Variants in CAST observed in about 807,000 individuals in gnomAD.
CAST encodes the protein MIR583 host.
Under a neutral mutation model 119.6 loss-of-function variants are expected in CAST, and 76 were observed. The observed-to-expected ratio is 0.64, with a 90% CI of 0.53 to 0.77. The LOEUF (loss-of-function observed/expected upper bound fraction) is 0.77. Ranked by LOEUF, CAST falls within the 30% of genes least tolerant of loss-of-function variation. The pLI, the probability that CAST is intolerant of heterozygous loss-of-function variation, is 0.00. For missense variants in CAST, 953 were observed against 946.5 expected (o/e 1.01, Z -0.09); for synonymous variants, 319 against 331.6 (o/e 0.96, Z 0.41).
the CAST span, among the ~76,000 whole-genome samples, chr5:96,304,091 C>T: frequency 1.2e-3 from 184 of 152,338 alleles, no homozygotes; most frequent in African/African-American, 4.2e-3. Context: ...TCCTATTTCT[C>T]CACATCTTCT....
upstream of CAST, among the ~76,000 whole-genome samples, chr5:96,529,039 A>G (rs1745644132): frequency 6.6e-6 from 1 of 152,204 alleles, no homozygotes; most frequent in Non-Finnish European, 1.5e-5. Flanking sequence ...CTATTTGGTG[A>G]CATTTATTTG....
chr5:95,994,185 G>T, the CAST span, among the ~76,000 whole-genome samples: 18 of 152,118 alleles, frequency 1.2e-4, no homozygotes, highest in Non-Finnish European at 2.5e-4. Context: ...CAAGAGAAAT[G>T]AAAATATGTG....
chr5:96,523,062 G>A (rs1233054602), upstream of CAST, among the ~76,000 whole-genome samples: 1 of 152,266 alleles, frequency 6.6e-6, no homozygotes, highest in Non-Finnish European at 1.5e-5. Flanking sequence ...GACTTTTGCT[G>A]TCCAGGTTTT....
At position 96,675,529 on chromosome 5, in the gene CAST, T is replaced by C; in HGVS notation, c.76-10T>C. The C allele has an allele frequency of 6.2e-7, 1 of 1,606,358 alleles. No individual in the cohort carries two copies. Among genetic ancestry groups the C allele is most frequent in the Non-Finnish European group, 8.5e-7 (1 of 1,173,038 alleles). Reference sequence around the variant, plus strand: ...TCCTTTATTAAGCATTATTTTTTACTTTTTTATAGCATGTCAGTGAAAAAA... The same window carrying C: ...TCCTTTATTAAGCATTATTTTTTACCTTTTTATAGCATGTCAGTGAAAAAA... On this transcript the variant is annotated splice_polypyrimidine_tract_variant and intron_variant, in intron 1 of 31. Coordinates refer to ENST00000675179, the MANE Select transcript of CAST (RefSeq NM_001750.7).
the CAST span, among the ~76,000 whole-genome samples, chr5:96,467,891 C>T: frequency 1.3e-5 from 2 of 151,926 alleles, no homozygotes; most frequent in East Asian, 1.9e-4. Flanking sequence ...TGGGTATCTA[C>T]CCAAAGGAAA....
intron 1 of CAST, among the ~76,000 whole-genome samples, chr5:96,617,417 A>G (rs1747482607): frequency 6.6e-6 from 1 of 152,184 alleles, no homozygotes; most frequent in Non-Finnish European, 1.5e-5. Context: ...TAAAAAAAGA[A>G]AGGGACAGAG....
chr5:96,042,805 TAAAATA>T, the CAST span, among the ~76,000 whole-genome samples: 1 of 152,086 alleles, frequency 6.6e-6, no homozygotes. Context: ...TCTTAAAAAA[TAAAATA>T]AAAATACCTC....
intron 1 of CAST, among the ~76,000 whole-genome samples, chr5:96,641,163 A>C (rs1747944456): frequency 6.6e-6 from 1 of 152,358 alleles, no homozygotes; most frequent in Middle Eastern, 3.4e-3. Context: ...CATGCTATTA[A>C]TACTACTGTT....
At chr5:96,110,982 T>C in the CAST span, 1 of 152,212 alleles carries the variant, frequency 6.6e-6, no homozygotes, top group East Asian at 1.9e-4. Flanking sequence ...GGATCAACAA[T>C]TCAATTTAAT....
the CAST span, among the ~76,000 whole-genome samples, chr5:96,171,048 G>A: frequency 0.022 from 3,301 of 152,204 alleles, 135 homozygotes; most frequent in African/African-American, 0.077. Flanking sequence ...TGGGACTGAG[G>A]GGACAGGTGG....
the CAST span, among the ~76,000 whole-genome samples, chr5:96,188,657 T>C: frequency 6.6e-5 from 10 of 152,160 alleles, no homozygotes; most frequent in African/African-American, 2.4e-4. Context: ...CCATCAGCTA[T>C]ACCTTTTCTT....
the CAST span, among the ~76,000 whole-genome samples, chr5:96,108,602 C>G: frequency 1.3e-5 from 2 of 152,200 alleles, no homozygotes; most frequent in Non-Finnish European, 2.9e-5. Flanking sequence ...CAGCTGCATT[C>G]TGGGAGAACC....
chr5:96,164,709 C>T, the CAST span, among the ~76,000 whole-genome samples: 1 of 152,118 alleles, frequency 6.6e-6, no homozygotes, highest in African/African-American at 2.4e-5. Flanking sequence ...GGGAAGCGTG[C>T]AGAGAGAAAA....
intron 1 of CAST, among the ~76,000 whole-genome samples, chr5:96,618,895 G>C (rs1747530244): frequency 6.6e-6 from 1 of 152,238 alleles, no homozygotes; most frequent in African/African-American, 2.4e-5. Context: ...CCCCGGCACA[G>C]GATCCACTAG....
the CAST span, among the ~76,000 whole-genome samples, chr5:96,042,026 A>G: frequency 6.6e-6 from 1 of 152,162 alleles, no homozygotes; most frequent in Non-Finnish European, 1.5e-5. Flanking sequence ...GTCTGCTGGA[A>G]AAGTCCTTCT....
chr5:96,358,626 T>C, the CAST span, among the ~76,000 whole-genome samples: 2 of 152,212 alleles, frequency 1.3e-5, no homozygotes, highest in African/African-American at 2.4e-5. Flanking sequence ...TCAGTTTCCA[T>C]GTAGTCGTGT....
intron 2 of CAST, among the ~76,000 whole-genome samples, chr5:96,678,513 G>A (rs899326325): frequency 6.6e-6 from 1 of 152,100 alleles, no homozygotes; most frequent in Non-Finnish European, 1.5e-5. Context: ...AAATTGATGA[G>A]GGTTAGGTGA....
chr5:95,967,342 G>T, the CAST span, among the ~76,000 whole-genome samples: 1 of 151,828 alleles, frequency 6.6e-6, no homozygotes, highest in African/African-American at 2.4e-5. Context: ...GCAGTTTGAG[G>T]CTGCAGTCCA....
upstream of CAST, chr5:96,529,728 C>T: frequency 2.6e-6 from 1 of 388,258 alleles, no homozygotes; most frequent in Non-Finnish European, 5.1e-6. Context: ...CCTGTGATAT[C>T]CTTGTGATAG....
Sources: allele counts gnomAD v4.1 joint callset (sites outside exome capture counted in the v4.1 genomes callset), GRCh38; gene constraint gnomAD v4.1.1; transcripts MANE v1.5; gene names NCBI Gene and HGNC (gene_info 2026-07-23, HGNC 2026-07-21).